Variants in ELAPOR1 observed in about 807,000 individuals in gnomAD.
ELAPOR1 encodes the protein endosome/lysosome-associated apoptosis and autophagy regulator 1.
Under a neutral mutation model 119.7 loss-of-function variants are expected in ELAPOR1, and 77 were observed. That is an observed-to-expected ratio of 0.64 (90% CI 0.54 to 0.78). The LOEUF (loss-of-function observed/expected upper bound fraction) is 0.78, where lower values mean the gene tolerates loss of function less well. ELAPOR1 is among the 30% of genes least tolerant of loss of function. The probability of loss-of-function intolerance (pLI) is 0.00; values close to 1 mark genes in which losing one functional copy is unlikely to be tolerated. For synonymous variants in ELAPOR1, 481 were observed against 487.2 expected, an observed-to-expected ratio of 0.99 and a Z score of 0.17; for missense variants, 1,115 against 1,270.4, an observed-to-expected ratio of 0.88 and a Z score of 1.86.
At position 109,159,445 on chromosome 1, in the gene ELAPOR1, T is replaced by C. The variant is rs182631682; in HGVS notation, c.154-2449T>C. Among the ~76,000 whole-genome samples the C allele has an allele frequency of 8.9e-3, 1,355 of 152,306 alleles. 21 individuals are homozygous for C. The highest frequency in any genetic ancestry group is 0.031 in the African/African-American group (1,272 of 41,568). On this transcript the variant is annotated intron_variant, in intron 1 of 21. Transcript: ENST00000369939. The stretch of plus-strand genomic sequence containing the variant: ...GGCCCATGTGCCTCTAAGAGGCCAA[T>C]GCAGTCAGAATGAACTGAGATGATC...
intron 2 of ELAPOR1, among the ~76,000 whole-genome samples, chr1:109,163,197 C>T (rs1039327849): frequency 1.6e-4 from 24 of 151,886 alleles, no homozygotes; most frequent in African/African-American, 5.6e-4. Flanking sequence ...AGCTTGTGGT[C>T]CAGGGTAGAG....
Position 109,205,452 on chromosome 1 carries a change from G to A in ELAPOR1, c.*2440G>A, listed in dbSNP as rs1445581702. On this transcript the variant is annotated 3_prime_UTR_variant, in exon 22 of 22. Transcript: ENST00000369939. ...GTTGGTGACGGCAGGGAGTCCCTTT[G>A]GTTTAATAAATCCAGTTTTTCTTTG... The A allele has an allele frequency of 6.6e-6, 1 of 152,182 alleles. No individual in the cohort carries two copies. The highest frequency in any genetic ancestry group is 1.5e-5 in the Non-Finnish European group (1 of 68,030). The allele number at this position is 152,182 out of a possible 1,614,324, so 9.4% of individuals were successfully genotyped here. A position where few individuals can be genotyped will look rare whatever the true frequency, so the allele number is the denominator to read the frequency against.
At chr1:109,174,082 A>T (rs1407239533) in intron 7 of ELAPOR1, among the ~76,000 whole-genome samples, 1 of 148,852 alleles carries the variant, frequency 6.7e-6, no homozygotes, top group Non-Finnish European at 1.5e-5. Flanking sequence ...GTGCGATCAT[A>T]GCTCACTGCA....
chr1:109,145,196 T>C (rs773093444), intron 1 of ELAPOR1, among the ~76,000 whole-genome samples: 39 of 152,132 alleles, frequency 2.6e-4, no homozygotes, highest in Admixed American at 8.5e-4. Flanking sequence ...CCTTCTGCCA[T>C]GTGAGGATGC....
At chr1:109,158,562 C>T (rs1651038375) in intron 1 of ELAPOR1, among the ~76,000 whole-genome samples, 1 of 152,162 alleles carries the variant, frequency 6.6e-6, no homozygotes, top group Non-Finnish European at 1.5e-5. Context: ...CCTCTCATTT[C>T]TAAACCCTTC....
At chr1:109,182,258 A>G (rs1259092189) in intron 7 of ELAPOR1, among the ~76,000 whole-genome samples, 1 of 152,116 alleles carries the variant, frequency 6.6e-6, no homozygotes, top group Non-Finnish European at 1.5e-5. Context: ...TGAACCCGAG[A>G]GGCGGAGGTT....
intron 1 of ELAPOR1, among the ~76,000 whole-genome samples, chr1:109,133,288 A>G (rs1215960029): frequency 6.6e-6 from 1 of 152,122 alleles, no homozygotes; most frequent in Non-Finnish European, 1.5e-5. Flanking sequence ...ACATGAATAT[A>G]TGAATGCTAT....
At chr1:109,138,462 G>A (rs1047660565) in intron 1 of ELAPOR1, among the ~76,000 whole-genome samples, 28 of 151,938 alleles carry the variant, frequency 1.8e-4, no homozygotes, top group African/African-American at 4.1e-4. Flanking sequence ...GGCTCGGAGC[G>A]CTCATATATC....
chr1:109,169,291 G>A (rs900896757), intron 3 of ELAPOR1, among the ~76,000 whole-genome samples: 1 of 152,166 alleles, frequency 6.6e-6, no homozygotes, highest in Non-Finnish European at 1.5e-5. Context: ...CCAGGCTGGA[G>A]TGCAATGGCA....
chr1:109,121,233 G>T (rs375293522), intron 1 of ELAPOR1, among the ~76,000 whole-genome samples: 1 of 151,692 alleles, frequency 6.6e-6, no homozygotes, highest in African/African-American at 2.4e-5. Flanking sequence ...TGCAACCTCC[G>T]CCTCCCAGGT....
At chr1:109,188,902 A>G (rs1653241656) in intron 9 of ELAPOR1, among the ~76,000 whole-genome samples, 164 bp from the exon 10 acceptor site, 1 of 152,232 alleles carries the variant, frequency 6.6e-6, no homozygotes, top group Non-Finnish European at 1.5e-5. Context: ...ATACATTGTC[A>G]GAATGTTTTT....
At chr1:109,193,760 A>G (rs1048762030) in intron 14 of ELAPOR1, among the ~76,000 whole-genome samples, 2 of 152,224 alleles carry the variant, frequency 1.3e-5, no homozygotes, top group African/African-American at 4.8e-5. Context: ...CATCTGTGCA[A>G]TAAGTGCAGC....
At chr1:109,130,598 C>T (rs1452897891) in intron 1 of ELAPOR1, among the ~76,000 whole-genome samples, 9 of 151,966 alleles carry the variant, frequency 5.9e-5, no homozygotes, top group African/African-American at 4.8e-5. Flanking sequence ...CCTGGCACCT[C>T]GGCCTCCCAA....
At chr1:109,165,613 CAAAAACCAA>C in intron 3 of ELAPOR1, among the ~76,000 whole-genome samples, 1 of 149,076 alleles carries the variant, frequency 6.7e-6, no homozygotes, top group Non-Finnish European at 1.5e-5. Flanking sequence ...AAAACAAAAA[CAAAAACCAA>C]AAAAACCAAC....
chr1:109,173,958 TC>T, intron 7 of ELAPOR1, 121 bp downstream of exon 7: 1 of 1,049,716 alleles, frequency 9.5e-7, no homozygotes. Flanking sequence ...CTTAAACCCT[TC>T]CTTTCTGGAT....
intron 2 of ELAPOR1, among the ~76,000 whole-genome samples, chr1:109,164,144 C>A (rs1009402125): frequency 6.6e-6 from 1 of 152,224 alleles, no homozygotes; most frequent in Non-Finnish European, 1.5e-5. Flanking sequence ...TCATCACTCT[C>A]ATTTCACATT....
At chr1:109,197,340 A>T in intron 15 of ELAPOR1, 134 bp from the exon 16 acceptor site, 1 of 739,712 alleles carries the variant, frequency 1.4e-6, no homozygotes, top group South Asian at 1.7e-5. Context: ...TAGACCTGGG[A>T]TGAATCATTC....
chr1:109,176,888 T>C (rs1047817843), intron 7 of ELAPOR1, among the ~76,000 whole-genome samples: 134 of 145,488 alleles, frequency 9.2e-4, no homozygotes, highest in African/African-American at 2.8e-3. Context: ...CCTGAGTGGA[T>C]ACAGCACATG....
At chr1:109,135,688 A>G (rs1040735153) in intron 1 of ELAPOR1, among the ~76,000 whole-genome samples, 1 of 152,202 alleles carries the variant, frequency 6.6e-6, no homozygotes, top group African/African-American at 2.4e-5. Context: ...TTGGGTTTCA[A>G]TCCTAAATCC....
Sources: gnomAD v4.1 joint callset for allele counts (sites outside exome capture counted in the v4.1 genomes callset) on GRCh38, gnomAD v4.1.1 for gene constraint, MANE v1.5 for transcripts, NCBI Gene and HGNC (gene_info 2026-07-23, HGNC 2026-07-21) for gene names.